Variants in ZBTB20 observed in about 807,000 individuals in gnomAD.
ZBTB20 encodes the protein zinc finger and BTB domain containing 20, also known as zinc finger and BTB domain-containing protein 20.
A neutral mutation model predicts 56.9 loss-of-function variants in ZBTB20; 9 were observed. The ratio of observed to expected loss-of-function variants is 0.16; its 90% confidence interval spans 0.10 to 0.28. The LOEUF (loss-of-function observed/expected upper bound fraction) is 0.28, where lower values mean the gene tolerates loss of function less well. ZBTB20 is among the 10% of genes least tolerant of loss of function. The pLI, the probability that ZBTB20 is intolerant of heterozygous loss-of-function variation, is 1.00. For missense variants in ZBTB20, 655 were observed against 1,003.0 expected, an observed-to-expected ratio of 0.65 and a Z score of 4.69; for synonymous variants, 417 against 420.7, an observed-to-expected ratio of 0.99 and a Z score of 0.11.
intron 7 of ZBTB20, among the ~76,000 whole-genome samples, chr3:114,432,288 C>G (rs528601102): frequency 5.3e-4 from 80 of 152,116 alleles, no homozygotes; most frequent in Non-Finnish European, 8.8e-4. Flanking sequence ...AAGTGAAATA[C>G]CATTTCTCAG....
chr3:114,891,859 C>A (rs1008111931), intron 4 of ZBTB20, among the ~76,000 whole-genome samples: 1 of 152,082 alleles, frequency 6.6e-6, no homozygotes, highest in African/African-American at 2.4e-5. Flanking sequence ...CCAGCCCGGG[C>A]AACATGGTGA....
intron 3 of ZBTB20, among the ~76,000 whole-genome samples, chr3:114,942,553 A>G (rs904801201): frequency 1.2e-4 from 18 of 145,776 alleles, no homozygotes; most frequent in Admixed American, 4.6e-4. Context: ...AATTAGCATC[A>G]TAAGAAGAAC....
chr3:114,352,249 A>C (rs1442941628), intron 10 of ZBTB20, among the ~76,000 whole-genome samples: 2 of 152,070 alleles, frequency 1.3e-5, no homozygotes, highest in Non-Finnish European at 2.9e-5. Flanking sequence ...GGAACACTAA[A>C]CCTCCACTTT....
At chr3:114,662,734 C>A (rs2060812091) in intron 6 of ZBTB20, among the ~76,000 whole-genome samples, 2 of 149,784 alleles carry the variant, frequency 1.3e-5, no homozygotes, top group African/African-American at 2.5e-5. Context: ...TGTCCTTCGC[C>A]CACTTTTTGA....
intron 6 of ZBTB20, among the ~76,000 whole-genome samples, chr3:114,632,360 C>T (rs778878565): frequency 1.3e-5 from 2 of 152,174 alleles, no homozygotes; most frequent in Non-Finnish European, 1.5e-5. Context: ...TGCACACCCC[C>T]CTCTCCCCTG....
At chr3:115,000,728 T>G (rs1044425889) in intron 2 of ZBTB20, among the ~76,000 whole-genome samples, 1 of 151,626 alleles carries the variant, frequency 6.6e-6, no homozygotes, top group South Asian at 2.1e-4. Context: ...CTGCCAAAAG[T>G]AATTTACCAG....
chr3:114,456,206 T>C (rs1180189499), intron 7 of ZBTB20, among the ~76,000 whole-genome samples: 1 of 144,808 alleles, frequency 6.9e-6, no homozygotes, highest in East Asian at 2.1e-4. Context: ...TGTATATATA[T>C]ATATATGGAG....
At chr3:114,687,524 T>A (rs1366742522) in intron 6 of ZBTB20, 2 of 147,384 alleles carry the variant, frequency 1.4e-5, no homozygotes, top group African/African-American at 5.0e-5. Context: ...TACATGCAAA[T>A]ATGCACAGGG....
At chr3:114,838,275 AC>A (rs2108986491) in intron 4 of ZBTB20, among the ~76,000 whole-genome samples, 2 of 152,318 alleles carry the variant, frequency 1.3e-5, no homozygotes, top group East Asian at 3.9e-4. Context: ...GGTATTTGAT[AC>A]ATCAGGTTTA....
intron 1 of ZBTB20, among the ~76,000 whole-genome samples, chr3:115,081,361 T>A (rs1203499173): frequency 2.0e-5 from 3 of 152,102 alleles, no homozygotes; most frequent in African/African-American, 7.2e-5. Flanking sequence ...CACACATCTG[T>A]AGGGTTTGGT....
At chr3:115,053,872 A>C (rs930366931) in intron 2 of ZBTB20, among the ~76,000 whole-genome samples, 18 of 152,168 alleles carry the variant, frequency 1.2e-4, no homozygotes, top group African/African-American at 4.3e-4. Context: ...GTATAAGGAC[A>C]TGTTACAAAG....
At chr3:114,660,321 A>G (rs1337257961) in intron 6 of ZBTB20, among the ~76,000 whole-genome samples, 1 of 152,140 alleles carries the variant, frequency 6.6e-6, no homozygotes, top group Non-Finnish European at 1.5e-5. Context: ...GTTTTTATAT[A>G]AGAAGCAATT....
At chr3:115,146,298 T>C (rs1476880449) in intron 1 of ZBTB20, among the ~76,000 whole-genome samples, 3 of 150,826 alleles carry the variant, frequency 2.0e-5, no homozygotes, top group Admixed American at 6.6e-5. Context: ...TTTGTGCAAG[T>C]GTGTTTATCA....
chr3:115,109,529 A>G (rs1377648790), intron 1 of ZBTB20, among the ~76,000 whole-genome samples: 1 of 152,234 alleles, frequency 6.6e-6, no homozygotes, highest in Admixed American at 6.5e-5. Context: ...GCATTAAAAG[A>G]AATCTCATTT....
intron 6 of ZBTB20, among the ~76,000 whole-genome samples, chr3:114,538,154 T>C (rs1397779902): frequency 6.6e-6 from 1 of 152,030 alleles, no homozygotes; most frequent in Non-Finnish European, 1.5e-5. Flanking sequence ...AAAGATCTAA[T>C]GGCTAAACCT....
chr3:114,833,519 G>T (rs1560300210), intron 4 of ZBTB20, among the ~76,000 whole-genome samples: 1 of 151,660 alleles, frequency 6.6e-6, no homozygotes, highest in Admixed American at 6.6e-5. Flanking sequence ...TGAGTAACAA[G>T]AGAATTTTTT....
In ZBTB20 at chr3:114,749,419, G is replaced by A. The variant is rs547314131; in HGVS notation, c.-343+51682C>T. 1.1e-4 allele frequency among the ~76,000 whole-genome samples: 17 copies of A among 152,162 alleles called. No individual in the cohort carries two copies. In the South Asian group the frequency reaches 2.7e-3, roughly 24 times the overall value. On this transcript the variant is annotated intron_variant, in intron 5 of 11. Transcript: ENST00000675478. ...ATACAAAAAAGTAGCTGGGTGTGGC[G>A]GTGGATACCTGTAATCCTGGCTACT...
chr3:115,141,147 A>G (rs2084801668), intron 1 of ZBTB20, among the ~76,000 whole-genome samples: 1 of 152,158 alleles, frequency 6.6e-6, no homozygotes, highest in African/African-American at 2.4e-5. Flanking sequence ...ACCTCATGAT[A>G]TGGGAATCAC....
chr3:115,001,771 T>G (rs2079261570), intron 2 of ZBTB20, among the ~76,000 whole-genome samples: 1 of 151,470 alleles, frequency 6.6e-6, no homozygotes, highest in African/African-American at 2.4e-5. Flanking sequence ...CTGAGAGATA[T>G]TCCATGTTCA....
Sources: gnomAD v4.1 joint callset for allele counts (sites outside exome capture counted in the v4.1 genomes callset) on GRCh38, gnomAD v4.1.1 for gene constraint, MANE v1.5 for transcripts, NCBI Gene and HGNC (gene_info 2026-07-23, HGNC 2026-07-21) for gene names.